RNF38: variants seen among roughly 807,000 people sequenced by gnomAD.
The protein encoded by RNF38 is E3 ubiquitin-protein ligase RNF38.
A neutral mutation model predicts 67.2 loss-of-function variants in RNF38; 15 were observed. The ratio of observed to expected loss-of-function variants is 0.22; its 90% CI spans 0.15 to 0.34. The LOEUF is 0.34. Among genes scored for constraint, RNF38 ranks in the 10% least tolerant of loss-of-function variants. The pLI is 1.00. For synonymous variants in RNF38, 220 were observed against 218.8 expected, an observed-to-expected ratio of 1.01 and a Z score of -0.05; for missense variants, 524 against 639.9, an observed-to-expected ratio of 0.82 and a Z score of 1.95.
At chr9:36,469,414 C>G (rs1839943238) in intron 1 of RNF38, among the ~76,000 whole-genome samples, 1 of 151,990 alleles carries the variant, frequency 6.6e-6, no homozygotes, top group Admixed American at 6.6e-5. Flanking sequence ...AATCCCAGCA[C>G]TTTGGGAGGC....
chr9:36,463,002 A>C (rs113904487), intron 1 of RNF38, among the ~76,000 whole-genome samples: 4 of 151,500 alleles, frequency 2.6e-5, no homozygotes, highest in African/African-American at 9.7e-5. Context: ...TTAAGTGAAA[A>C]CAAGCTTATT....
Position 36,356,290 on chromosome 9 carries a change from TAG to T in RNF38, c.909+11_909+12del, listed in dbSNP as rs1834101398. The T allele has an allele frequency of 1.2e-6, 2 of 1,613,106 alleles. No individual in the cohort carries two copies. Among genetic ancestry groups the T allele is most frequent in the Non-Finnish European group, 1.7e-6 (2 of 1,179,416 alleles). ...AAAACTAAACATTCTGACATAATAG[TAG>T]AGATACCTACCGATCGTGATTGCTG... On this transcript the variant is annotated intron_variant, in intron 6 of 11. Transcript: ENST00000259605.
chr9:36,404,651 T>A (rs1838136212), upstream of RNF38, among the ~76,000 whole-genome samples: 1 of 152,228 alleles, frequency 6.6e-6, no homozygotes. Context: ...AGGTTTATTC[T>A]AGGTTTGTTA....
intron 2 of RNF38, among the ~76,000 whole-genome samples, chr9:36,387,385 A>C (rs1447938981): frequency 6.7e-6 from 1 of 149,594 alleles, no homozygotes. Context: ...CCCTAAAATT[A>C]ATGGTTGTGC....
At chr9:36,486,747 C>T (rs1840422405) in intron 1 of RNF38, among the ~76,000 whole-genome samples, 1 of 152,098 alleles carries the variant, frequency 6.6e-6, no homozygotes, top group South Asian at 2.1e-4. Flanking sequence ...CTGCGGCTCC[C>T]CAGGGCACCA....
intron 1 of RNF38, among the ~76,000 whole-genome samples, chr9:36,432,195 C>G (rs1838947438): frequency 6.6e-6 from 1 of 151,746 alleles, no homozygotes; most frequent in Non-Finnish European, 1.5e-5. Flanking sequence ...AGTGCAATGG[C>G]ACGATCTCGT....
chr9:36,346,224 G>T (rs994082837), intron 9 of RNF38, among the ~76,000 whole-genome samples: 2 of 150,950 alleles, frequency 1.3e-5, no homozygotes, highest in African/African-American at 2.4e-5. Flanking sequence ...CCTTTTTTTT[G>T]AGTCAGAGTC....
chr9:36,356,220 T>TTA (rs1834095513), intron 6 of RNF38, 83 bp downstream of exon 6: 3 of 1,329,862 alleles, frequency 2.3e-6, no homozygotes, highest in Non-Finnish European at 3.2e-6. Context: ...TCCACTAAGG[T>TTA]TATATACCTG....
chr9:36,359,868 C>A (rs528686207), intron 4 of RNF38, among the ~76,000 whole-genome samples: 2 of 151,942 alleles, frequency 1.3e-5, no homozygotes, highest in African/African-American at 4.8e-5. Flanking sequence ...ACCTTAGCCC[C>A]GCCCCGAGTA....
chr9:36,416,742 ATTTTT>A (rs386414907), intron 2 of RNF38, among the ~76,000 whole-genome samples: 1,854 of 63,378 alleles, frequency 0.029, 38 homozygotes, highest in African/African-American at 0.1. Flanking sequence ...CTGCCTCGAT[ATTTTT>A]TTTTTTTTTT....
chr9:36,388,074 C>T (rs1280311943), intron 2 of RNF38, among the ~76,000 whole-genome samples: 1 of 151,860 alleles, frequency 6.6e-6, no homozygotes, highest in Non-Finnish European at 1.5e-5. Flanking sequence ...ACTTCAGAAA[C>T]AAGCAAAATT....
Position 36,475,077 on chromosome 9 carries a change from T to C in RNF38, n.241+12231A>G, listed in dbSNP as rs796832675. Among the ~76,000 whole-genome samples, 32 of 119,474 alleles carry C rather than the reference T, an allele frequency of 2.7e-4. 4 individuals are homozygous for C. The East Asian group carries it at 7.0e-3, about 26-fold the overall frequency. 78.4% of individuals were successfully genotyped at this position (119,474 alleles called of 152,430 possible). On this transcript the variant is annotated intron_variant and non_coding_transcript_variant, in intron 1 of 3. Transcript: ENST00000488058. Reference sequence around the variant, plus strand: ...AGGAGAATTGCTTGAACCCAGGAGGTGGAGGTTGCAGTGAGCAGAGAGAGC... The same window carrying C: ...AGGAGAATTGCTTGAACCCAGGAGGCGGAGGTTGCAGTGAGCAGAGAGAGC...
At chr9:36,400,418 G>A (rs369234488), upstream of RNF38, 1 of 1,114,490 alleles carries the variant, frequency 9.0e-7, no homozygotes, top group Non-Finnish European at 1.1e-6. Context: ...GCGCCTCCTC[G>A]CCACCGCGGG....
At position 36,344,857 on chromosome 9, in the gene RNF38, T is replaced by C. The variant is rs777265906; in HGVS notation, c.1360A>G (p.Asn454Asp). The C allele has an allele frequency of 6.8e-6, 11 of 1,613,894 alleles. No individual in the cohort carries two copies. Among genetic ancestry groups the C allele is most frequent in the Non-Finnish European group, 9.3e-6 (11 of 1,179,814 alleles). The change falls in exon 10 of 12, where the codon AAC (asparagine) becomes GAC (aspartate). Residue 454 changes from asparagine (N) to aspartate (D), a missense_variant. Around this residue, in one of 2 missense-constraint regions of RNF38, gnomAD observed 63 missense variants for 122.5 expected, o/e 0.51. Coordinates refer to ENST00000259605, the MANE Select transcript of RNF38 (RefSeq NM_022781.5). ...EQLPSYRFNP[N>D]NHQSEQTLCV... The stretch of plus-strand genomic sequence containing the variant: ...AAAGTCTGTTCTGACTGGTGGTTGT[T>C]AGGATTGAACCGATAAGAAGGAAGT...
intron 1 of RNF38, among the ~76,000 whole-genome samples, chr9:36,464,673 A>G (rs921641437): frequency 1.3e-5 from 2 of 152,194 alleles, no homozygotes; most frequent in African/African-American, 4.8e-5. Context: ...AAACTGCAAT[A>G]TTCACCCAAT....
rs994266090 is a variant in RNF38, at chr9:36,421,046, G to T, written n.312+3567C>A. On this transcript the variant is annotated intron_variant and non_coding_transcript_variant, in intron 2 of 3. Transcript: ENST00000488058. ...AGAGAGGATGTCCAACAAATAAATT[G>T]GCCCTCATACTCCTTGCCTGAACTG... Among the ~76,000 whole-genome samples, 6 of 152,222 alleles carry T rather than the reference G, an allele frequency of 3.9e-5. No individual in the cohort carries two copies. The South Asian group carries it at 1.2e-3, about 32-fold the overall frequency.
intron 1 of RNF38, among the ~76,000 whole-genome samples, chr9:36,481,860 A>G (rs572077498): frequency 3.3e-4 from 51 of 152,308 alleles, no homozygotes; most frequent in South Asian, 1.2e-3. Flanking sequence ...TTAATGGAAA[A>G]TACAAATGGG....
intron 1 of RNF38, among the ~76,000 whole-genome samples, chr9:36,442,240 C>T (rs1317020661): frequency 6.6e-6 from 1 of 152,184 alleles, no homozygotes; most frequent in Non-Finnish European, 1.5e-5. Context: ...ATCTTTAAAA[C>T]TCTACCTCAA....
chr9:36,421,594 C>A (rs748577418), intron 2 of RNF38, among the ~76,000 whole-genome samples: 4 of 151,892 alleles, frequency 2.6e-5, no homozygotes, highest in Admixed American at 2.6e-4. Flanking sequence ...ACCCGGGAGG[C>A]GGAGGTTGCA....
Sources: allele counts gnomAD v4.1 joint callset (sites outside exome capture counted in the v4.1 genomes callset), GRCh38; gene constraint gnomAD v4.1.1; regional missense constraint gnomAD v4.1.1; transcripts MANE v1.5; gene names NCBI Gene and HGNC (gene_info 2026-07-23, HGNC 2026-07-21).